The following SREBF2 variants were observed in gnomAD, a reference collection of about 807,000 sequenced individuals.
SREBF2 encodes sterol regulatory element-binding protein 2.
Under a neutral mutation model 113.1 loss-of-function variants are expected in SREBF2, and 55 were observed. The ratio of observed to expected loss-of-function variants is 0.49; its 90% CI spans 0.39 to 0.61. The LOEUF is 0.61. SREBF2 is among the 20% of genes least tolerant of loss of function. The pLI is 0.00. For missense variants in SREBF2, 1,349 were observed against 1,487.4 expected (o/e 0.91, Z 1.53); for synonymous variants, 593 against 605.7 (o/e 0.98, Z 0.31).
chr22:41,888,579 C>A (rs887626340), intron 11 of SREBF2, among the ~76,000 whole-genome samples: 1 of 152,174 alleles, frequency 6.6e-6, no homozygotes, highest in African/African-American at 2.4e-5. Flanking sequence ...AACGATGAAT[C>A]TTGGGTGTTT....
intron 1 of SREBF2, among the ~76,000 whole-genome samples, chr22:41,866,013 C>G (rs1041780744): frequency 3.3e-5 from 5 of 152,168 alleles, no homozygotes; most frequent in Admixed American, 3.3e-4. Flanking sequence ...TTTTACTCAG[C>G]TTGGAGAGGA....
intron 1 of SREBF2, among the ~76,000 whole-genome samples, chr22:41,864,261 TACACACACACAC>T (rs1158750306): frequency 2.5e-4 from 13 of 51,002 alleles, no homozygotes; most frequent in Non-Finnish European, 4.3e-4. Flanking sequence ...TATATATATA[TACACACACACAC>T]ACACACACAC....
At chr22:41,854,381 C>T (rs1314554981) in intron 1 of SREBF2, among the ~76,000 whole-genome samples, 3 of 150,382 alleles carry the variant, frequency 2.0e-5, no homozygotes, top group Non-Finnish European at 4.4e-5. Context: ...AGGCTAGTCT[C>T]GAACTCCTGA....
At chr22:41,879,394 G>A (rs892870996) in intron 9 of SREBF2, among the ~76,000 whole-genome samples, 3 of 152,210 alleles carry the variant, frequency 2.0e-5, no homozygotes, top group Non-Finnish European at 2.9e-5. Context: ...TTGAGAGGCA[G>A]GCCATGGGGA....
intron 8 of SREBF2, 114 bp from the exon 9 acceptor site, chr22:41,877,824 CCTTT>C (rs1265356803): frequency 4.7e-6 from 5 of 1,073,492 alleles, no homozygotes; most frequent in Non-Finnish European, 7.2e-6. Flanking sequence ...AATTATTTGC[CCTTT>C]CTTCTGAAAA....
chr22:41,892,033 G>A (rs1199142401), intron 11 of SREBF2, among the ~76,000 whole-genome samples: 1 of 152,222 alleles, frequency 6.6e-6, no homozygotes, highest in Non-Finnish European at 1.5e-5. Context: ...GGCTTTCCAG[G>A]TTCCCCCTCT....
chr22:41,878,009 C>T lies in SREBF2; in HGVS notation c.1647C>T (p.Val549=), dbSNP rs781174022. The part of the protein sequence containing the change: ...LLLWLVNGVI[V]LSVFVKLLVH... Reference sequence around the variant, plus strand: ...TATGGCTGGTAAATGGTGTGATTGTCCTGAGCGTCTTTGTGAAGCTGCTGG... The same window carrying T: ...TATGGCTGGTAAATGGTGTGATTGTTCTGAGCGTCTTTGTGAAGCTGCTGG... Residue 549 remains valine (V), a synonymous_variant, in exon 9 of 19, where the codon GTC becomes GTT. Transcript: ENST00000361204. 1.2e-6 allele frequency: 2 copies of T among 1,614,066 alleles called. No individual in the cohort carries two copies. Among genetic ancestry groups the T allele is most frequent in the African/African-American group, 1.3e-5 (1 of 75,000 alleles).
rs1374297852 is a variant in SREBF2, at chr22:41,897,076, C to T, written c.2520C>T (p.Tyr840=). ...GTGAATTCTCCAGTGCTCTGGAGTA[C>T]TTGAAATTACTTCATTCTTTTGTGG... ...ESCEFSSALE[Y]LKLLHSFVDS... The change falls in exon 14 of 19, where the codon TAC becomes TAT. Residue 840 remains tyrosine (Y), a synonymous_variant. Coordinates refer to ENST00000361204, the MANE Select transcript of SREBF2 (RefSeq NM_004599.4). 6.2e-7 allele frequency: 1 copy of T among 1,613,180 alleles called. No homozygotes were observed. The highest frequency in any genetic ancestry group is 1.7e-5 in the Admixed American group (1 of 59,992).
chr22:41,843,097 C>A (rs958188282), intron 1 of SREBF2, among the ~76,000 whole-genome samples: 3 of 152,136 alleles, frequency 2.0e-5, no homozygotes, highest in Non-Finnish European at 4.4e-5. Context: ...TGACACATTT[C>A]TCAGAATGAA....
At chr22:41,890,975 C>T (rs903782209) in intron 11 of SREBF2, among the ~76,000 whole-genome samples, 2 of 152,150 alleles carry the variant, frequency 1.3e-5, no homozygotes, top group Admixed American at 1.3e-4. Context: ...TCCACATTTG[C>T]CTTTCTGGTT....
At chr22:41,874,822 G>A (rs957057937) in intron 5 of SREBF2, among the ~76,000 whole-genome samples, 1 of 152,094 alleles carries the variant, frequency 6.6e-6, no homozygotes. Flanking sequence ...CAGGAGAATT[G>A]TTTGAACCTG....
At chr22:41,837,323 C>T (rs971092133) in intron 1 of SREBF2, among the ~76,000 whole-genome samples, 3 of 151,584 alleles carry the variant, frequency 2.0e-5, no homozygotes, top group Non-Finnish European at 2.9e-5. Context: ...TTTGGGAGGC[C>T]GAGGTGGGCG....
chr22:41,885,072 A>G, intron 11 of SREBF2, 61 bp downstream of exon 11: 1 of 1,590,186 alleles, frequency 6.3e-7, no homozygotes, highest in South Asian at 1.1e-5. Context: ...GCCAGGAGTT[A>G]AGATGCAGAA....
chr22:41,837,804 G>C (rs1327211866), intron 1 of SREBF2, among the ~76,000 whole-genome samples: 1 of 148,566 alleles, frequency 6.7e-6, no homozygotes, highest in Admixed American at 6.8e-5. Flanking sequence ...GTTGCAGTGA[G>C]CCGAGATCGC....
intron 16 of SREBF2, chr22:41,900,986 A>G (rs2077460901): frequency 1.9e-6 from 1 of 532,010 alleles, no homozygotes; most frequent in Non-Finnish European, 3.9e-6. Flanking sequence ...GGTGGTACCC[A>G]TGCAATGTTT....
intron 16 of SREBF2, among the ~76,000 whole-genome samples, chr22:41,901,317 T>A (rs995076985): frequency 1.4e-4 from 22 of 152,218 alleles, no homozygotes; most frequent in Admixed American, 1.2e-3. Context: ...GGCACTGGGA[T>A]GAACCCAGGA....
chr22:41,866,720 C>T (rs1354747622), intron 1 of SREBF2, 111 bp from the exon 2 acceptor site: 1 of 1,295,948 alleles, frequency 7.7e-7, no homozygotes, highest in Non-Finnish European at 1.1e-6. Context: ...TGACCCATTT[C>T]TGCCATGGTC....
chr22:41,872,651 G>A (rs2077156757), intron 4 of SREBF2, among the ~76,000 whole-genome samples: 1 of 152,144 alleles, frequency 6.6e-6, no homozygotes, highest in African/African-American at 2.4e-5. Flanking sequence ...AGCATTTTGG[G>A]AGGCTGAGGT....
chr22:41,833,243 A>AG lies in SREBF2; in HGVS notation c.-21dup, dbSNP rs755560552. On this transcript the variant is annotated 5_prime_UTR_variant, in exon 1 of 19. Transcript: ENST00000361204. This position sits in a 1 kb window ranked among gnomAD's most constrained non-coding sequence, Gnocchi z 4.1. ...CCCGCGTCTCCCTGAGCGGGACGGC[A>AG]GGGGGGGCTTCTGCGCTGAGCCGGG... 2.5e-5 allele frequency: 38 copies of AG among 1,507,106 alleles called. No homozygotes were observed. The highest frequency in any genetic ancestry group is 6.2e-5 in the South Asian group (5 of 80,408). The allele number at this position is 1,507,106 out of a possible 1,614,324, so 93.4% of individuals were successfully genotyped here. A position where few individuals can be genotyped will look rare whatever the true frequency, so the allele number is the denominator to read the frequency against.
Sources: allele counts gnomAD v4.1 joint callset (sites outside exome capture counted in the v4.1 genomes callset), GRCh38; gene constraint gnomAD v4.1.1; non-coding constraint Gnocchi (gnomAD v3.1); transcripts MANE v1.5; gene names NCBI Gene and HGNC (gene_info 2026-07-23, HGNC 2026-07-21).